Variants in ESCO1 observed in about 807,000 individuals in gnomAD.
The protein encoded by ESCO1 is establishment of sister chromatid cohesion N-acetyltransferase 1.
Under a neutral mutation model 83.5 loss-of-function variants are expected in ESCO1, and 33 were observed. The ratio of observed to expected loss-of-function variants is 0.40; its 90% CI spans 0.30 to 0.53. ESCO1 has a LOEUF of 0.53. Among genes scored for constraint, ESCO1 ranks in the 20% least tolerant of loss-of-function variants. ESCO1 has a pLI of 0.63. For missense variants in ESCO1, 855 were observed against 968.0 expected (o/e 0.88, Z 1.55); for synonymous variants, 332 against 324.3 (o/e 1.02, Z -0.25).
chr18:21,562,164 G>A (rs559914458), intron 7 of ESCO1, among the ~76,000 whole-genome samples: 130 of 152,280 alleles, frequency 8.5e-4, no homozygotes, highest in Non-Finnish European at 1.7e-3. Flanking sequence ...ACAGGCATGA[G>A]CCACCGCACC....
intron 2 of ESCO1, among the ~76,000 whole-genome samples, chr18:21,583,655 A>G (rs1011633572): frequency 6.6e-6 from 1 of 152,114 alleles, no homozygotes; most frequent in Non-Finnish European, 1.5e-5. Flanking sequence ...AAAAAAAAAA[A>G]AGAAAAGACA....
chr18:21,564,078 C>T lies in ESCO1; in HGVS notation c.1821+125G>A, dbSNP rs906534804. ...CAGATGCAGATGTCAGGCCATAGAA[C>T]CACAAGCCAAATAAACCTCTTTTCT... On this transcript the variant is annotated intron_variant, in intron 7 of 11. Transcript: ENST00000269214. 3 of 671,324 alleles carry T rather than the reference C, an allele frequency of 4.5e-6. No individual in the cohort carries two copies. In the East Asian group the frequency reaches 8.9e-5, roughly 20 times the overall value. 41.6% of individuals were successfully genotyped at this position (671,324 alleles called of 1,614,324 possible). A position where few individuals can be genotyped will look rare whatever the true frequency, so the allele number is the denominator to read the frequency against.
At chr18:21,599,655 G>C (rs1598485346) in intron 1 of ESCO1, among the ~76,000 whole-genome samples, 1 of 152,104 alleles carries the variant, frequency 6.6e-6, no homozygotes. Flanking sequence ...TAAGACTACA[G>C]AAAACATGGT....
In ESCO1 at chr18:21,536,131, G is replaced by A; in HGVS notation, c.2098C>T (p.Leu700=). The part of the protein sequence containing the change: ...DNDLGFQQAP[L]MCYSRTKTLL... ...GTTTTAGTTCTGGAATAGCACATTA[G>A]TGGAGCCTGTTGAAAACCTAAATCA... Residue 700 remains leucine (L), a synonymous_variant, in exon 10 of 12, where the codon CTA becomes TTA. Coordinates refer to ENST00000269214, the MANE Select transcript of ESCO1 (RefSeq NM_052911.3). The A allele has an allele frequency of 6.2e-7, 1 of 1,614,098 alleles. No individual in the cohort carries two copies. The highest frequency in any genetic ancestry group is 8.5e-7 in the Non-Finnish European group (1 of 1,179,982).
intron 2 of ESCO1, among the ~76,000 whole-genome samples, chr18:21,579,758 A>T: frequency 6.7e-6 from 1 of 149,400 alleles, no homozygotes; most frequent in African/African-American, 2.5e-5. Context: ...CCTGGGCAAC[A>T]GAGCGAGATT....
chr18:21,576,710 G>GT (rs371159759), intron 2 of ESCO1, among the ~76,000 whole-genome samples: 1 of 152,102 alleles, frequency 6.6e-6, no homozygotes, highest in Non-Finnish European at 1.5e-5. Context: ...GGAATTGGCA[G>GT]TATCAGACTC....
chr18:21,599,926 CCT>C lies in ESCO1; in HGVS notation c.-825+695_-825+696del, dbSNP rs1393136425. On this transcript the variant is annotated intron_variant, in intron 1 of 11. Transcript: ENST00000269214. Reference sequence around the variant, plus strand: ...CGAGGACCCAATTCTCTTTGGTTCGCCTCTCTCCATCGCTATAAACTTCACTG... The same window carrying C: ...CGAGGACCCAATTCTCTTTGGTTCGCCTCTCCATCGCTATAAACTTCACTG... Among the ~76,000 whole-genome samples the C allele has an allele frequency of 3.9e-5, 6 of 152,338 alleles. No homozygotes were observed. In the East Asian group the frequency reaches 7.7e-4, roughly 20 times the overall value.
At chr18:21,564,632 G>A (rs1271120878) in intron 6 of ESCO1, among the ~76,000 whole-genome samples, 3 of 151,614 alleles carry the variant, frequency 2.0e-5, no homozygotes, top group South Asian at 2.1e-4. Flanking sequence ...TCCTGACCTC[G>A]TGATCCGCCT....
intron 2 of ESCO1, among the ~76,000 whole-genome samples, chr18:21,582,947 T>C (rs539504143): frequency 6.6e-6 from 1 of 152,316 alleles, no homozygotes; most frequent in East Asian, 1.9e-4. Flanking sequence ...TCCCAGCACT[T>C]TGGGGGGGCC....
chr18:21,594,023 GAGCAGCAGCCTGTTTAGCAAGAGC>G (rs1468446895), intron 1 of ESCO1, among the ~76,000 whole-genome samples: 2 of 152,082 alleles, frequency 1.3e-5, no homozygotes, highest in African/African-American at 4.8e-5. Flanking sequence ...GTGCATGGAG[GAGCAGCAGCCTGTTTAGCAAGAGC>G]AGCAGCAGCC....
intron 8 of ESCO1, among the ~76,000 whole-genome samples, chr18:21,556,823 C>G (rs1428123412): frequency 2.6e-5 from 4 of 152,140 alleles, no homozygotes; most frequent in African/African-American, 7.2e-5. Flanking sequence ...GCCTCAGCCT[C>G]CTGAGTAGCT....
chr18:21,571,398 A>G (rs1420042288), intron 4 of ESCO1, among the ~76,000 whole-genome samples: 3 of 152,130 alleles, frequency 2.0e-5, no homozygotes, highest in Non-Finnish European at 4.4e-5. Context: ...CATGCTGTCC[A>G]AGCTGGTCTC....
intron 8 of ESCO1, among the ~76,000 whole-genome samples, chr18:21,544,956 C>T (rs1167722624): frequency 6.6e-6 from 1 of 152,220 alleles, no homozygotes; most frequent in Non-Finnish European, 1.5e-5. Flanking sequence ...ACAGGAGCAG[C>T]TAGACCTGAA....
chr18:21,564,397 C>CTTT, intron 6 of ESCO1, 80 bp from the exon 7 acceptor site: 2 of 795,604 alleles, frequency 2.5e-6, no homozygotes, highest in Non-Finnish European at 3.6e-6. Context: ...AACTTATTTT[C>CTTT]TTTTTTTTTT....
intron 7 of ESCO1, among the ~76,000 whole-genome samples, chr18:21,562,442 C>G (rs895505800): frequency 6.7e-5 from 10 of 148,948 alleles, no homozygotes; most frequent in Non-Finnish European, 1.5e-4. Flanking sequence ...TGCCACTGCA[C>G]TCCAGCCTGG....
At chr18:21,536,790 A>G (rs564335518) in intron 9 of ESCO1, among the ~76,000 whole-genome samples, 1 of 152,208 alleles carries the variant, frequency 6.6e-6, no homozygotes, top group Non-Finnish European at 1.5e-5. Context: ...AGAAGCATCT[A>G]ATCTGTGAAT....
intron 10 of ESCO1, among the ~76,000 whole-genome samples, chr18:21,534,593 G>A (rs1411743379): frequency 6.6e-6 from 1 of 150,574 alleles, no homozygotes; most frequent in African/African-American, 2.4e-5. Flanking sequence ...CTCATTCAGA[G>A]TTCAACAAAG....
At chr18:21,546,608 G>A (rs1342830363) in intron 8 of ESCO1, among the ~76,000 whole-genome samples, 4 of 152,146 alleles carry the variant, frequency 2.6e-5, no homozygotes, top group African/African-American at 4.8e-5. Context: ...GTGCCGTGGT[G>A]CAATCATGGC....
intron 1 of ESCO1, among the ~76,000 whole-genome samples, chr18:21,587,093 G>C (rs1213256357): frequency 6.6e-6 from 1 of 152,060 alleles, no homozygotes; most frequent in African/African-American, 2.4e-5. Context: ...AATGCAACTT[G>C]GTCATTGTGT....
Sources: gnomAD v4.1 joint callset for allele counts (sites outside exome capture counted in the v4.1 genomes callset) on GRCh38, gnomAD v4.1.1 for gene constraint, MANE v1.5 for transcripts, NCBI Gene and HGNC (gene_info 2026-07-23, HGNC 2026-07-21) for gene names.